The following ZNF131 variants were observed in gnomAD, a reference collection of about 807,000 sequenced individuals.
ZNF131 encodes the protein zinc finger and BTB domain containing 35, also known as zinc finger protein 131.
A neutral mutation model predicts 60.0 loss-of-function variants in ZNF131; 7 were observed. That is an observed-to-expected ratio of 0.12 (90% confidence interval 0.07 to 0.22). The LOEUF is 0.22. ZNF131 is among the 10% of genes least tolerant of loss of function. The pLI is 1.00. For synonymous variants in ZNF131, 257 were observed against 253.2 expected, an observed-to-expected ratio of 1.01 and a Z score of -0.14; for missense variants, 493 against 740.9, an observed-to-expected ratio of 0.67 and a Z score of 3.88.
rs1204547596 is a variant in ZNF131, at chr5:43,121,187, G to A, written c.-16+64G>A. The A allele has an allele frequency of 2.7e-4, 41 of 153,124 alleles. No individual in the cohort carries two copies. The East Asian group carries it at 4.5e-3, about 17-fold the overall frequency. 9.5% of individuals were successfully genotyped at this position (153,124 alleles called of 1,614,324 possible). A position where few individuals can be genotyped will look rare whatever the true frequency, so the allele number is the denominator to read the frequency against. On this transcript the variant is annotated intron_variant, in intron 1 of 6. Transcript: ENST00000682664. ...GGGGCAGGACGGGGCGGGAGGGGCC[G>A]CGCAGTAGCTGGGCTGTGAGGACGG...
intron 4 of ZNF131, among the ~76,000 whole-genome samples, chr5:43,146,906 T>A (rs1490082583): frequency 2.6e-5 from 4 of 151,514 alleles, no homozygotes; most frequent in South Asian, 2.1e-4. Flanking sequence ...CATCTCAAAA[T>A]ATATATATAT....
At chr5:43,169,795 CTTT>C (rs199970490) in intron 5 of ZNF131, among the ~76,000 whole-genome samples, 1 of 142,664 alleles carries the variant, frequency 7.0e-6, no homozygotes, top group Non-Finnish European at 1.5e-5. Flanking sequence ...GCACTTTTTT[CTTT>C]TTTTTTTTTT....
rs557058455 is a variant in ZNF131, at chr5:43,127,875, A to T, written c.226+4565A>T. ...AATTTTCTAAATTCATTCTTTTTCTACTTCACCTGAAACCACAGATCCATG... is the reference window on the plus strand; with the variant it reads ...AATTTTCTAAATTCATTCTTTTTCTTCTTCACCTGAAACCACAGATCCATG... On this transcript the variant is annotated intron_variant, in intron 3 of 6. Coordinates refer to ENST00000682664, the MANE Select transcript of ZNF131 (RefSeq NM_001330707.2). 3.6e-4 allele frequency among the ~76,000 whole-genome samples: 55 copies of T among 152,278 alleles called. 1 individual carries two copies. The highest frequency in any genetic ancestry group is 1.3e-3 in the African/African-American group (53 of 41,556).
intron 5 of ZNF131, chr5:43,167,845 A>G: frequency 6.0e-6 from 2 of 333,716 alleles, no homozygotes; most frequent in Non-Finnish European, 1.2e-5. Flanking sequence ...GGAAGAGACA[A>G]AGGTGATATC....
rs1743724585 is a variant in ZNF131, at chr5:43,121,073, G to T, written c.-66G>T. 6.6e-6 allele frequency: 1 copy of T among 150,992 alleles called. No homozygotes were observed. Among genetic ancestry groups the T allele is most frequent in the Admixed American group, 6.7e-5 (1 of 15,014 alleles). The allele number at this position is 150,992 out of a possible 1,614,324, so 9.4% of individuals were successfully genotyped here. A position where few individuals can be genotyped will look rare whatever the true frequency, so the allele number is the denominator to read the frequency against. On this transcript the variant is annotated 5_prime_UTR_variant, in exon 1 of 7. The change creates a premature stop within an existing upstream ORF in the 5' untranslated region. Coordinates refer to ENST00000682664, the MANE Select transcript of ZNF131 (RefSeq NM_001330707.2). ...TTATGCCCTGGGAGGGGAAAGCACG[G>T]AACAAGAGGCTCTGAGGGACGGAGA...
intron 3 of ZNF131, among the ~76,000 whole-genome samples, chr5:43,128,955 G>T (rs1273740629): frequency 6.6e-6 from 1 of 151,872 alleles, no homozygotes; most frequent in African/African-American, 2.4e-5. Flanking sequence ...TTTTTGAGAC[G>T]GAGTCTCACT....
intron 5 of ZNF131, among the ~76,000 whole-genome samples, chr5:43,165,040 T>C (rs36054188): frequency 0.079 from 11,981 of 152,220 alleles, 652 homozygotes; most frequent in Non-Finnish European, 0.12. Context: ...AGTCTCGACC[T>C]CCTGGGCTCA....
intron 5 of ZNF131, among the ~76,000 whole-genome samples, chr5:43,172,741 C>G (rs915976332): frequency 3.3e-5 from 5 of 151,176 alleles, no homozygotes; most frequent in African/African-American, 1.2e-4. Flanking sequence ...TCTTTTTTTT[C>G]TCCTATTTCA....
chr5:43,148,111 C>G (rs879928242), intron 4 of ZNF131, among the ~76,000 whole-genome samples: 2 of 148,676 alleles, frequency 1.3e-5, no homozygotes, highest in Non-Finnish European at 3.0e-5. Context: ...GTGGCACATG[C>G]CTATAATCCT....
chr5:43,128,833 C>T (rs1744930354), intron 3 of ZNF131, among the ~76,000 whole-genome samples: 1 of 152,038 alleles, frequency 6.6e-6, no homozygotes, highest in Admixed American at 6.6e-5. Flanking sequence ...TCATTGCAAC[C>T]TTGACCTCCT....
chr5:43,147,874 T>G (rs1747814181), intron 4 of ZNF131, among the ~76,000 whole-genome samples: 1 of 150,300 alleles, frequency 6.7e-6, no homozygotes, highest in South Asian at 2.1e-4. Flanking sequence ...GGCAACATGG[T>G]GAAACCCACC....
intron 5 of ZNF131, among the ~76,000 whole-genome samples, chr5:43,167,423 A>G (rs1323406404): frequency 2.6e-5 from 4 of 152,148 alleles, no homozygotes; most frequent in African/African-American, 9.7e-5. Context: ...TTAAGTTAAT[A>G]AAAAATGGAT....
At chr5:43,162,894 A>G (rs550189901) in intron 5 of ZNF131, among the ~76,000 whole-genome samples, 83 of 143,652 alleles carry the variant, frequency 5.8e-4, no homozygotes, top group Non-Finnish European at 1.0e-3. Context: ...AACAAGGGCA[A>G]AACTCTGTCT....
At chr5:43,147,665 C>T (rs1413162451) in intron 4 of ZNF131, among the ~76,000 whole-genome samples, 3 of 151,286 alleles carry the variant, frequency 2.0e-5, no homozygotes, top group African/African-American at 4.8e-5. Flanking sequence ...TCGTGATCCA[C>T]CTGCCTCGGC....
At position 43,173,369 on chromosome 5, in the gene ZNF131, G is replaced by A; in HGVS notation, c.1106G>A (p.Ser369Asn). The change falls in exon 6 of 7, where the codon AGC (serine) becomes AAC (asparagine). Residue 369 changes from serine (S) to asparagine (N), a missense_variant. Ser to Asn is a conservative substitution (Grantham distance 46, BLOSUM62 1). Transcript: ENST00000682664. ...PNCHERFARNSTLKCHLTACQ... is the reference protein window; with the variant it reads ...PNCHERFARNNTLKCHLTACQ... ...TGTCATGAACGATTTGCTAGAAATA[G>A]CACTCTGAAATGTCACCTCACTGCA... 1 of 1,612,916 alleles carries A rather than the reference G, an allele frequency of 6.2e-7. No individual in the cohort carries two copies. Among genetic ancestry groups the A allele is most frequent in the Non-Finnish European group, 8.5e-7 (1 of 1,179,170 alleles).
chr5:43,162,037 A>G lies in ZNF131; in HGVS notation c.1054+106A>G, dbSNP rs1749748948. On this transcript the variant is annotated intron_variant, in intron 5 of 6. Coordinates refer to ENST00000682664, the MANE Select transcript of ZNF131 (RefSeq NM_001330707.2). ...TAGTGCCTCAGAAGCCATCTCATGT[A>G]TTATCTCTAATGTGTAGGCTAAGTA... is the stretch of plus-strand genomic sequence containing the variant. 3.2e-5 allele frequency: 34 copies of G among 1,051,064 alleles called. No individual in the cohort carries two copies. In the South Asian group the frequency reaches 5.5e-4, roughly 17 times the overall value. The allele number at this position is 1,051,064 out of a possible 1,614,324, so 65.1% of individuals were successfully genotyped here. A position where few individuals can be genotyped will look rare whatever the true frequency, so the allele number is the denominator to read the frequency against.
intron 3 of ZNF131, among the ~76,000 whole-genome samples, chr5:43,130,263 C>CAAAAAAAAAAAAAAAAAAAAA (rs765959932): frequency 0.011 from 375 of 33,054 alleles, 63 homozygotes; most frequent in Middle Eastern, 0.071. Flanking sequence ...GACTCTGTCT[C>CAAAAAAAAAAAAAAAAAAAAA]CAAAAAAAAA....
chr5:43,125,504 G>T (rs1475901840), intron 3 of ZNF131, among the ~76,000 whole-genome samples: 1 of 151,772 alleles, frequency 6.6e-6, no homozygotes, highest in Non-Finnish European at 1.5e-5. Context: ...GGCCTGGCCG[G>T]ATGCGGTGGC....
At chr5:43,162,630 G>T (rs770226973) in intron 5 of ZNF131, among the ~76,000 whole-genome samples, 1 of 150,066 alleles carries the variant, frequency 6.7e-6, no homozygotes, top group Admixed American at 6.7e-5. Context: ...GCGGCCAGGC[G>T]CGGTGGCTCA....
Sources: gnomAD v4.1 joint callset for allele counts (sites outside exome capture counted in the v4.1 genomes callset) on GRCh38, gnomAD v4.1.1 for gene constraint, MANE v1.5 for transcripts, NCBI Gene and HGNC (gene_info 2026-07-23, HGNC 2026-07-21) for gene names.